The following SLC17A1 variants were observed in gnomAD, a reference collection of about 807,000 sequenced individuals.
SLC17A1 encodes sodium-dependent phosphate transport protein 1.
Under a neutral mutation model 53.5 loss-of-function variants are expected in SLC17A1, and 51 were observed. The observed-to-expected ratio is 0.95, with a 90% confidence interval of 0.76 to 1.20. The LOEUF (loss-of-function observed/expected upper bound fraction) is 1.20, where lower values mean the gene tolerates loss of function less well. SLC17A1 is among the 50% of genes most tolerant of loss of function. The pLI, the probability that SLC17A1 is intolerant of heterozygous loss-of-function variation, is 0.00. For synonymous variants in SLC17A1, 179 were observed against 198.8 expected (o/e 0.90, Z 0.84); for missense variants, 538 against 568.2 (o/e 0.95, Z 0.54).
At chr6:25,809,262 G>T (rs1303155875) in intron 10 of SLC17A1, among the ~76,000 whole-genome samples, 1 of 151,944 alleles carries the variant, frequency 6.6e-6, no homozygotes, top group Non-Finnish European at 1.5e-5. Context: ...GGAGGAGGGT[G>T]AGGGTTAAAA....
downstream of SLC17A1, chr6:25,780,107 A>G (rs1224596043): frequency 6.6e-6 from 1 of 152,164 alleles, no homozygotes; most frequent in East Asian, 1.9e-4. Flanking sequence ...CCTCACTCCA[A>G]ATGTCTGGAG....
At chr6:25,731,854 G>A in the SLC17A1 span, 1 of 1,602,776 alleles carries the variant, frequency 6.2e-7, no homozygotes, top group South Asian at 1.1e-5. Context: ...AGTTCCCCAG[G>A]CAGCAGCAGG....
At chr6:25,761,904 C>T in the SLC17A1 span, 1 of 1,393,592 alleles carries the variant, frequency 7.2e-7, no homozygotes, top group Non-Finnish European at 1.0e-6. Context: ...CCTGTATTTT[C>T]TTTTGTATTC....
Position 25,819,953 on chromosome 6 carries a change from T to C in SLC17A1, c.208-38A>G, listed in dbSNP as rs780486726. 2.9e-6 allele frequency: 4 copies of C among 1,372,690 alleles called. No individual in the cohort carries two copies. The South Asian group carries it at 4.0e-5, about 14-fold the overall frequency. 85.0% of individuals were successfully genotyped at this position (1,372,690 alleles called of 1,614,324 possible). ...GGGGGACATGTCGAATCACTCTGCA[T>C]ATCAGAAATTTACTGTGACATTTAG... On this transcript the variant is annotated intron_variant, in intron 3 of 12. Coordinates refer to ENST00000244527, the MANE Select transcript of SLC17A1 (RefSeq NM_005074.5).
downstream of SLC17A1, among the ~76,000 whole-genome samples, chr6:25,778,276 T>G (rs1362226914): frequency 6.6e-6 from 1 of 151,916 alleles, no homozygotes; most frequent in Admixed American, 6.6e-5. Flanking sequence ...AAAAAAACAC[T>G]GCCATATACC....
At chr6:25,732,234 A>C in the SLC17A1 span, 1 of 330,100 alleles carries the variant, frequency 3.0e-6, no homozygotes, top group Non-Finnish European at 5.7e-6. Flanking sequence ...ATTTATAGGC[A>C]TGGCCCTCAA....
At chr6:25,790,343 C>T (rs1448779010) in intron 12 of SLC17A1, among the ~76,000 whole-genome samples, 1 of 152,136 alleles carries the variant, frequency 6.6e-6, no homozygotes, top group Non-Finnish European at 1.5e-5. Context: ...AATTCAGTCC[C>T]AGGAAAGTTT....
chr6:25,731,901 G>C, the SLC17A1 span: 1 of 1,602,742 alleles, frequency 6.2e-7, no homozygotes, highest in Non-Finnish European at 8.5e-7. Context: ...GGTGATGGTC[G>C]AGCGCTTGTC....
chr6:25,747,913 A>G, the SLC17A1 span, among the ~76,000 whole-genome samples: 1 of 151,524 alleles, frequency 6.6e-6, no homozygotes, highest in Non-Finnish European at 1.5e-5. Flanking sequence ...GATGCCTAGG[A>G]TATATTGACA....
chr6:25,748,441 CTATT>C, the SLC17A1 span, among the ~76,000 whole-genome samples: 1 of 152,048 alleles, frequency 6.6e-6, no homozygotes, highest in African/African-American at 2.4e-5. Flanking sequence ...CACCAATAAA[CTATT>C]TATAAAGACT....
At chr6:25,785,827 A>G (rs1418242727) in intron 12 of SLC17A1, among the ~76,000 whole-genome samples, 1 of 152,216 alleles carries the variant, frequency 6.6e-6, no homozygotes, top group Non-Finnish European at 1.5e-5. Context: ...AAGAAACATA[A>G]CAAGTGTTGA....
chr6:25,811,603 C>A, intron 9 of SLC17A1, 35 bp downstream of exon 9: 2 of 1,613,608 alleles, frequency 1.2e-6, no homozygotes, highest in Non-Finnish European at 1.7e-6. Context: ...GGAGAAGTAT[C>A]TCCCAAGTGC....
chr6:25,726,159 A>T, the SLC17A1 span: 20 of 1,558,216 alleles, frequency 1.3e-5, no homozygotes, highest in Admixed American at 7.7e-5. Flanking sequence ...TATGGTGGTG[A>T]CTCTCAGTCT....
chr6:25,752,798 A>G, the SLC17A1 span, among the ~76,000 whole-genome samples: 1 of 151,996 alleles, frequency 6.6e-6, no homozygotes, highest in Admixed American at 6.6e-5. Flanking sequence ...TAAAAATACA[A>G]AAAATTAGCT....
chr6:25,830,522 A>G lies in SLC17A1; in HGVS notation c.34+2T>C, dbSNP rs1336570614. 1.2e-6 allele frequency: 2 copies of G among 1,609,116 alleles called. No individual in the cohort carries two copies. Among genetic ancestry groups the G allele is most frequent in the East Asian group, 2.2e-5 (1 of 44,880 alleles). ...GTTTAATGGAACAGAATAAAGTGCT[A>G]CCTTTTTTGGGAGGCAACCGGTTAT... On this transcript the variant is annotated splice_donor_variant, in intron 2 of 12. Coordinates refer to ENST00000244527, the MANE Select transcript of SLC17A1 (RefSeq NM_005074.5). LOFTEE classifies it high-confidence loss of function.
At chr6:25,765,225 T>G in the SLC17A1 span, among the ~76,000 whole-genome samples, 3 of 152,264 alleles carry the variant, frequency 2.0e-5, no homozygotes, top group Admixed American at 6.5e-5. Flanking sequence ...GGTACACTTA[T>G]GAAAGATAAC....
downstream of SLC17A1, chr6:25,780,281 G>A (rs557366522): frequency 6.6e-6 from 1 of 152,154 alleles, no homozygotes; most frequent in Non-Finnish European, 1.5e-5. Context: ...GTCTCGGGAG[G>A]GCAGATAACT....
At chr6:25,777,501 A>C in the SLC17A1 span, 4 of 158,174 alleles carry the variant, frequency 2.5e-5, no homozygotes, top group Admixed American at 2.6e-4. Flanking sequence ...TCATCTGGTG[A>C]GGGGTCTTTT....
chr6:25,799,065 A>G (rs1418805201), intron 11 of SLC17A1, 146 bp from the exon 12 acceptor site: 1 of 609,554 alleles, frequency 1.6e-6, no homozygotes, highest in Non-Finnish European at 2.6e-6. Flanking sequence ...AAACGTCATC[A>G]TTTTACTTTA....
Sources: gnomAD v4.1 joint callset for allele counts (sites outside exome capture counted in the v4.1 genomes callset) on GRCh38, gnomAD v4.1.1 for gene constraint, MANE v1.5 for transcripts, NCBI Gene and HGNC (gene_info 2026-07-23, HGNC 2026-07-21) for gene names.